Variants in CACNB2 observed in about 807,000 individuals in gnomAD.
CACNB2 encodes voltage-dependent L-type calcium channel subunit beta-2.
A neutral mutation model predicts 73.3 loss-of-function variants in CACNB2; 42 were observed. That is an observed-to-expected ratio of 0.57 (90% CI 0.45 to 0.74). The LOEUF (loss-of-function observed/expected upper bound fraction) is 0.74, where lower values mean the gene tolerates loss of function less well. Among genes scored for constraint, CACNB2 ranks in the 30% least tolerant of loss-of-function variants. CACNB2 has a pLI of 0.00. For missense variants in CACNB2, 940 were observed against 853.0 expected (o/e 1.10, Z -1.27); for synonymous variants, 348 against 310.3 (o/e 1.12, Z -1.28).
intron 2 of CACNB2, chr10:18,261,435 C>T: frequency 2.2e-6 from 3 of 1,352,312 alleles, no homozygotes; most frequent in Non-Finnish European, 3.1e-6. Context: ...ACCAGACAGT[C>T]GATCATTTCG....
At chr10:18,398,538 G>T (rs915750366) in intron 2 of CACNB2, among the ~76,000 whole-genome samples, 1 of 152,064 alleles carries the variant, frequency 6.6e-6, no homozygotes, top group Non-Finnish European at 1.5e-5. Flanking sequence ...AGGAATGGGA[G>T]CACATGCTTG....
chr10:18,539,333 G>A lies in CACNB2; in HGVS notation c.1592G>A (p.Arg531His), dbSNP rs184280124. ...SVEPVKKSQH[R>H]SSSSAPHHNH... ...GAACCAGTCAAGAAATCCCAGCACC[G>A]CTCTTCCTCCTCAGCCCCACACCAC... is the stretch of plus-strand genomic sequence containing the variant. Residue 531 changes from arginine to histidine, a missense_variant, in exon 14 of 14, where the codon CGC becomes CAC. Arg to His is a conservative substitution (Grantham distance 29). Coordinates refer to ENST00000324631, the MANE Select transcript of CACNB2 (RefSeq NM_201596.3). 1.3e-4 allele frequency: 215 copies of A among 1,614,062 alleles called. 1 individual carries two copies. The Admixed American group carries it at 2.5e-3, about 18-fold the overall frequency.
chr10:18,514,922 TAAAA>T, intron 7 of CACNB2: 1 of 1,017,944 alleles, frequency 9.8e-7, no homozygotes, highest in Non-Finnish European at 1.5e-6. Context: ...TAGCTTGTAC[TAAAA>T]AAAAAAGTAT....
chr10:18,507,164 T>C (rs2050535337), intron 6 of CACNB2, among the ~76,000 whole-genome samples: 1 of 152,156 alleles, frequency 6.6e-6, no homozygotes, highest in African/African-American at 2.4e-5. Context: ...GGTGAATACT[T>C]GCCAACAACC....
At chr10:18,170,685 A>G (rs367962394) in intron 2 of CACNB2, among the ~76,000 whole-genome samples, 10 of 152,352 alleles carry the variant, frequency 6.6e-5, no homozygotes, top group African/African-American at 2.2e-4. Flanking sequence ...GACTAACTAA[A>G]TCAAATTTTT....
chr10:18,373,719 AT>A (rs1229710074), intron 2 of CACNB2, among the ~76,000 whole-genome samples: 2 of 152,064 alleles, frequency 1.3e-5, no homozygotes, highest in Non-Finnish European at 2.9e-5. Flanking sequence ...TTTCATTAGT[AT>A]TTTTTTGATT....
rs113483548 is a variant in CACNB2 at position 18,504,639 on chromosome 10, T to TTGTGTGTGTGTGTGTG, written c.594-1818_594-1817insTGTGTGTGTGTGTGTG. Among the ~76,000 whole-genome samples, 436 of 151,760 alleles carry TTGTGTGTGTGTGTGTG rather than the reference T, an allele frequency of 2.9e-3. 2 individuals are homozygous for TTGTGTGTGTGTGTGTG. The highest frequency in any genetic ancestry group is 9.7e-3 in the African/African-American group (401 of 41,384). On this transcript the variant is annotated intron_variant, in intron 5 of 13. Coordinates refer to ENST00000324631, the MANE Select transcript of CACNB2 (RefSeq NM_201596.3). ...CATAGGTTTTTACATTTCTCTCCTT[T>TTGTGTGTGTGTGTGTG]TGTGTGTGTGTGTGCGTGTGTGTGA...
At chr10:18,374,386 T>C (rs1043838090) in intron 2 of CACNB2, among the ~76,000 whole-genome samples, 1 of 152,084 alleles carries the variant, frequency 6.6e-6, no homozygotes, top group African/African-American at 2.4e-5. Flanking sequence ...GTGATGAGTA[T>C]AAAGGGGAAC....
chr10:18,527,555 C>G (rs2052603086), intron 9 of CACNB2, 33 bp from the exon 10 acceptor site: 2 of 1,412,492 alleles, frequency 1.4e-6, no homozygotes, highest in Admixed American at 3.3e-5. Flanking sequence ...GACCAATAAC[C>G]TTAAGGTCTT....
At chr10:18,294,767 G>A (rs2039209058) in intron 2 of CACNB2, among the ~76,000 whole-genome samples, 1 of 152,328 alleles carries the variant, frequency 6.6e-6, no homozygotes, top group East Asian at 1.9e-4. Context: ...GGCTAATATG[G>A]CTGAATCGTA....
intron 2 of CACNB2, among the ~76,000 whole-genome samples, chr10:18,265,702 C>T (rs1010791703): frequency 1.7e-4 from 26 of 151,806 alleles, no homozygotes; most frequent in African/African-American, 6.3e-4. Flanking sequence ...TCGGTTTTCT[C>T]ACCCATATAA....
intron 2 of CACNB2, among the ~76,000 whole-genome samples, chr10:18,252,175 T>C (rs1440906012): frequency 1.3e-5 from 2 of 152,206 alleles, no homozygotes; most frequent in African/African-American, 4.8e-5. Context: ...TACTGAATGT[T>C]GCTATGGTGG....
chr10:18,157,654 G>A (rs1428703017), intron 2 of CACNB2, among the ~76,000 whole-genome samples: 1 of 152,122 alleles, frequency 6.6e-6, no homozygotes, highest in African/African-American at 2.4e-5. Context: ...CCACAGTCAC[G>A]TCAAATGTAA....
chr10:18,275,631 A>C (rs1414965963), intron 2 of CACNB2, among the ~76,000 whole-genome samples: 3 of 152,182 alleles, frequency 2.0e-5, no homozygotes, highest in Non-Finnish European at 4.4e-5. Flanking sequence ...GATTTAAAAA[A>C]AGAAAAATAA....
intron 5 of CACNB2, among the ~76,000 whole-genome samples, chr10:18,503,676 C>A (rs1241295326): frequency 6.6e-6 from 1 of 152,130 alleles, no homozygotes; most frequent in Non-Finnish European, 1.5e-5. Context: ...GGTAGTATAT[C>A]GTTTGTTGAG....
At chr10:18,480,614 T>C (rs184537894) in intron 3 of CACNB2, among the ~76,000 whole-genome samples, 252 of 152,320 alleles carry the variant, frequency 1.7e-3, no homozygotes, top group African/African-American at 5.7e-3. Context: ...AGAAATGATT[T>C]GATTACAGAA....
At chr10:18,459,494 A>T (rs150463593) in intron 3 of CACNB2, among the ~76,000 whole-genome samples, 2 of 152,270 alleles carry the variant, frequency 1.3e-5, no homozygotes, top group Non-Finnish European at 2.9e-5. Flanking sequence ...TTACACAGCC[A>T]TACAGTGGTG....
At chr10:18,232,439 C>G (rs17607485) in intron 2 of CACNB2, among the ~76,000 whole-genome samples, 2,312 of 152,240 alleles carry the variant, frequency 0.015, 44 homozygotes, top group South Asian at 0.06. Context: ...AACCGTGTAG[C>G]CTTCTTGACA....
chr10:18,341,177 C>G (rs1167518298), intron 2 of CACNB2, among the ~76,000 whole-genome samples: 2 of 152,150 alleles, frequency 1.3e-5, no homozygotes, highest in Non-Finnish European at 2.9e-5. Context: ...AACTGTAACT[C>G]TGGTTTTAAA....
Sources: allele counts gnomAD v4.1 joint callset (sites outside exome capture counted in the v4.1 genomes callset), GRCh38; gene constraint gnomAD v4.1.1; transcripts MANE v1.5; gene names NCBI Gene and HGNC (gene_info 2026-07-23, HGNC 2026-07-21).